Variants in YTHDF3 observed in about 807,000 individuals in gnomAD.
The protein encoded by YTHDF3 is YTH domain-containing family protein 3.
A neutral mutation model predicts 52.5 loss-of-function variants in YTHDF3; 9 were observed. That is an observed-to-expected ratio of 0.17 (90% CI 0.10 to 0.30). The LOEUF is 0.30. YTHDF3 is among the 10% of genes least tolerant of loss of function. The pLI is 1.00. For missense variants in YTHDF3, 534 were observed against 715.0 expected (o/e 0.75, Z 2.89); for synonymous variants, 274 against 243.3 (o/e 1.13, Z -1.18).
At chr8:63,172,089 C>T (rs971762624) in intron 2 of YTHDF3, among the ~76,000 whole-genome samples, 16 of 152,094 alleles carry the variant, frequency 1.1e-4, no homozygotes, top group Admixed American at 3.3e-4. Context: ...TTAAGTCTGT[C>T]CCTGTGTTAA....
chr8:63,189,661 A>G (rs1418120428), intron 4 of YTHDF3, among the ~76,000 whole-genome samples: 2 of 152,218 alleles, frequency 1.3e-5, no homozygotes, highest in African/African-American at 2.4e-5. Context: ...CTAGAGCAGT[A>G]GTTTCCAAAC....
intron 2 of YTHDF3, among the ~76,000 whole-genome samples, chr8:63,170,163 T>C (rs1175476594): frequency 6.6e-6 from 1 of 152,220 alleles, no homozygotes; most frequent in African/African-American, 2.4e-5. Flanking sequence ...GAACAATAAC[T>C]GCTTTCTTGG....
rs1406665873 is a variant in YTHDF3, at chr8:63,186,579, G to A, written c.568G>A (p.Gly190Ser). The A allele has an allele frequency of 1.2e-6, 2 of 1,613,998 alleles. No individual in the cohort carries two copies. Among genetic ancestry groups the A allele is most frequent in the South Asian group, 1.1e-5 (1 of 91,084 alleles). The part of the protein sequence containing the change: ...KVPGISSIEQ[G>S]MTGLKIGGDL... Reference sequence around the variant, plus strand: ...GCCTGGCATTAGCAGTATTGAGCAAGGCATGACTGGACTGAAAATTGGTGG... The same window carrying A: ...GCCTGGCATTAGCAGTATTGAGCAAAGCATGACTGGACTGAAAATTGGTGG... The change falls in exon 4 of 5, where the codon GGC (glycine) becomes AGC (serine). Residue 190 changes from glycine to serine, a missense_variant. Physicochemically the swap from Gly to Ser is moderately conservative, Grantham distance 56. Coordinates refer to ENST00000539294, the MANE Select transcript of YTHDF3 (RefSeq NM_152758.6).
At chr8:63,173,131 GGTT>G (rs966281569) in intron 2 of YTHDF3, among the ~76,000 whole-genome samples, 3 of 145,646 alleles carry the variant, frequency 2.1e-5, no homozygotes, top group Non-Finnish European at 4.4e-5. Flanking sequence ...ATAGTATATG[GGTT>G]GTTCTCAGGC....
chr8:63,168,928 G>A (rs1807074607), intron 1 of YTHDF3, 27 bp downstream of exon 1: 1 of 1,549,584 alleles, frequency 6.5e-7, no homozygotes, highest in South Asian at 1.2e-5. Context: ...CCCAGGCTTG[G>A]CGAAGGCCCG....
At chr8:63,199,244 G>A (rs971084839) in intron 4 of YTHDF3, among the ~76,000 whole-genome samples, 2 of 152,094 alleles carry the variant, frequency 1.3e-5, no homozygotes, top group African/African-American at 4.8e-5. Flanking sequence ...TAATTGTGAG[G>A]TGATTAAATT....
chr8:63,186,066 C>A lies in YTHDF3; in HGVS notation c.136-81C>A, dbSNP rs539063421. 7.4e-4 allele frequency: 1,014 copies of A among 1,371,742 alleles called. 3 individuals carry two copies. In the African/African-American group the frequency reaches 0.014, roughly 19 times the overall value. 85.0% of individuals were successfully genotyped at this position (1,371,742 alleles called of 1,614,324 possible). On this transcript the variant is annotated intron_variant, in intron 3 of 4. Transcript: ENST00000539294. ...TTTTATTTTCATTTACTTAAAACTTCTTGATTTTAATCTTTCAGATTTCTT... is the reference window on the plus strand; with the variant it reads ...TTTTATTTTCATTTACTTAAAACTTATTGATTTTAATCTTTCAGATTTCTT...
intron 4 of YTHDF3, among the ~76,000 whole-genome samples, chr8:63,192,716 G>A (rs939115191): frequency 6.6e-6 from 1 of 151,912 alleles, no homozygotes; most frequent in Admixed American, 6.6e-5. Flanking sequence ...TCATTTTAGT[G>A]CTGAAGGAAG....
intron 2 of YTHDF3, among the ~76,000 whole-genome samples, chr8:63,173,989 T>A (rs139229292): frequency 1.3e-4 from 20 of 152,284 alleles, no homozygotes; most frequent in African/African-American, 4.3e-4. Context: ...TTGCCACTCA[T>A]TGGATGGCAA....
intron 4 of YTHDF3, among the ~76,000 whole-genome samples, chr8:63,204,102 AT>A (rs999094669): frequency 2.2e-4 from 34 of 152,046 alleles, no homozygotes; most frequent in African/African-American, 7.5e-4. Flanking sequence ...ACTTTGTGAC[AT>A]TTTTTGTTGT....
intron 4 of YTHDF3, among the ~76,000 whole-genome samples, chr8:63,208,036 C>T (rs1810146883): frequency 6.6e-6 from 1 of 152,042 alleles, no homozygotes; most frequent in Non-Finnish European, 1.5e-5. Flanking sequence ...ATCTTTTCTT[C>T]TTTTGCTGAT....
At chr8:63,188,701 A>ATATATATATTTTTTTTTTT (rs1355614739) in intron 4 of YTHDF3, 1 of 61,452 alleles carries the variant, frequency 1.6e-5, no homozygotes, top group Non-Finnish European at 2.6e-5. Context: ...ATATATATAT[A>ATATATATATTTTTTTTTTT]TTTTTTTTTT....
Position 63,210,778 on chromosome 8 carries a change from A to G in YTHDF3, c.*1072A>G, listed in dbSNP as rs1165637734. Reference sequence around the variant, plus strand: ...TTGATGTTTTATTGATCAGATCTATATAAGTGGGAATACAGCATATATCTG... The same window carrying G: ...TTGATGTTTTATTGATCAGATCTATGTAAGTGGGAATACAGCATATATCTG... On this transcript the variant is annotated 3_prime_UTR_variant, in exon 5 of 5. Coordinates refer to ENST00000539294, the MANE Select transcript of YTHDF3 (RefSeq NM_152758.6). 1.3e-5 allele frequency: 2 copies of G among 152,616 alleles called. No homozygotes were observed. Among genetic ancestry groups the G allele is most frequent in the African/African-American group, 2.4e-5 (1 of 41,474 alleles). 9.5% of individuals were successfully genotyped at this position (152,616 alleles called of 1,614,324 possible).
intron 4 of YTHDF3, chr8:63,188,701 A>ATTTTTTTTTTTTTTTTT (rs1191554468): frequency 1.6e-5 from 1 of 61,452 alleles, no homozygotes; most frequent in African/African-American, 8.6e-5. Flanking sequence ...ATATATATAT[A>ATTTTTTTTTTTTTTTTT]TTTTTTTTTT....
At chr8:63,195,903 G>A (rs940169391) in intron 4 of YTHDF3, among the ~76,000 whole-genome samples, 4 of 151,986 alleles carry the variant, frequency 2.6e-5, no homozygotes, top group African/African-American at 9.7e-5. Context: ...CCAGGCTCAG[G>A]TGATTCTTCC....
intron 4 of YTHDF3, among the ~76,000 whole-genome samples, chr8:63,205,054 T>G (rs1809931044): frequency 6.6e-6 from 1 of 152,166 alleles, no homozygotes. Flanking sequence ...GAGTTGGCAG[T>G]AAACTTCCTT....
intron 4 of YTHDF3, among the ~76,000 whole-genome samples, chr8:63,194,633 T>C (rs965106910): frequency 2.0e-5 from 3 of 152,158 alleles, no homozygotes; most frequent in Admixed American, 6.6e-5. Context: ...GAGATAACTT[T>C]CCCCCAGAAA....
At chr8:63,194,866 T>A (rs1482128064) in intron 4 of YTHDF3, among the ~76,000 whole-genome samples, 1 of 152,218 alleles carries the variant, frequency 6.6e-6, no homozygotes, top group Non-Finnish European at 1.5e-5. Flanking sequence ...TTAACTAAAA[T>A]TTACATTGAG....
chr8:63,173,206 A>ATATATATATC (rs1264719044), intron 2 of YTHDF3, among the ~76,000 whole-genome samples: 2 of 145,390 alleles, frequency 1.4e-5, no homozygotes, highest in African/African-American at 5.5e-5. Context: ...TTATATTTAT[A>ATATATATATC]TATATATACA....
Sources: gnomAD v4.1 joint callset for allele counts (sites outside exome capture counted in the v4.1 genomes callset) on GRCh38, gnomAD v4.1.1 for gene constraint, MANE v1.5 for transcripts, NCBI Gene and HGNC (gene_info 2026-07-23, HGNC 2026-07-21) for gene names.